The following CRTAP variants were observed in gnomAD, a reference collection of about 807,000 sequenced individuals.
CRTAP encodes cartilage associated protein.
Under a neutral mutation model 42.7 loss-of-function variants are expected in CRTAP, and 33 were observed. That is an observed-to-expected ratio of 0.77 (90% CI 0.59 to 1.03). The LOEUF is 1.03. Among genes scored for constraint, CRTAP ranks in the 50% least tolerant of loss-of-function variants. The pLI is 0.00. For synonymous variants in CRTAP, 243 were observed against 217.7 expected (o/e 1.12, Z -1.02); for missense variants, 613 against 533.9 (o/e 1.15, Z -1.46).
At chr3:33,119,479 A>G (rs555462880) in intron 1 of CRTAP, among the ~76,000 whole-genome samples, 2 of 151,734 alleles carry the variant, frequency 1.3e-5, no homozygotes, top group Non-Finnish European at 2.9e-5. Context: ...AACAGAATAT[A>G]TGGTCCATGC....
At chr3:33,121,010 A>G (rs1234865276) in intron 2 of CRTAP, among the ~76,000 whole-genome samples, 1 of 152,172 alleles carries the variant, frequency 6.6e-6, no homozygotes, top group Non-Finnish European at 1.5e-5. Context: ...AAGAACAACA[A>G]TAAGAAAGAA....
At chr3:33,126,366 A>C (rs898279439) in intron 3 of CRTAP, among the ~76,000 whole-genome samples, 2 of 152,046 alleles carry the variant, frequency 1.3e-5, no homozygotes, top group Non-Finnish European at 2.9e-5. Context: ...AAGAATCTGC[A>C]TTTTTTGTCC....
At chr3:33,134,128 G>C in intron 5 of CRTAP, 54 bp from the exon 6 acceptor site, 1 of 1,243,526 alleles carries the variant, frequency 8.0e-7, no homozygotes, top group Non-Finnish European at 1.2e-6. Flanking sequence ...CCTCCTCCCA[G>C]TTCTAAGATG....
intron 4 of CRTAP, 103 bp from the exon 5 acceptor site, chr3:33,132,452 T>C: frequency 6.6e-7 from 1 of 1,519,844 alleles, no homozygotes; most frequent in Non-Finnish European, 9.1e-7. Flanking sequence ...GAAGAAGGAC[T>C]GTGGAGAAGG....
chr3:33,136,922 G>A (rs1315941655), intron 6 of CRTAP, among the ~76,000 whole-genome samples: 2 of 152,192 alleles, frequency 1.3e-5, no homozygotes. Flanking sequence ...TACATACCTA[G>A]GAATGGATTG....
rs2125600453 is a variant in CRTAP, at chr3:33,124,516, C to T, written c.730C>T (p.Leu244Phe). The T allele has an allele frequency of 6.2e-7, 1 of 1,614,224 alleles. No individual in the cohort carries two copies. The highest frequency in any genetic ancestry group is 8.5e-7 in the Non-Finnish European group (1 of 1,180,026). Residue 244 changes from leucine to phenylalanine, a missense_variant, in exon 3 of 7, where the codon CTC becomes TTC. Leu to Phe is a conservative substitution (Grantham distance 22, BLOSUM62 0). Coordinates refer to ENST00000320954, the MANE Select transcript of CRTAP (RefSeq NM_006371.5). The stretch of plus-strand genomic sequence containing the variant: ...CTTCTTCAAAGCCTTTTACGAGTGT[C>T]TCGCAGCCTGCGAGGGTTCCAGGGA... ...PDFFKAFYEC[L>F]AACEGSREIK...
At chr3:33,124,171 A>G (rs565970765) in intron 2 of CRTAP, among the ~76,000 whole-genome samples, 71 of 152,316 alleles carry the variant, frequency 4.7e-4, no homozygotes, top group African/African-American at 1.7e-3. Context: ...AATTCAGATT[A>G]TTATCAAGGG....
Position 33,124,370 on chromosome 3 carries a change from C to T in CRTAP, c.622-38C>T, listed in dbSNP as rs369551196. 4.3e-6 allele frequency: 7 copies of T among 1,612,676 alleles called. No homozygotes were observed. The African/African-American group carries it at 9.3e-5, about 22-fold the overall frequency. On this transcript the variant is annotated intron_variant, in intron 2 of 6. Coordinates refer to ENST00000320954, the MANE Select transcript of CRTAP (RefSeq NM_006371.5). ...ATTTCATGACTGTCTCCCTTCACGC[C>T]CAAGAGCGAGCTTCACTGGCTTCTC... is the stretch of plus-strand genomic sequence containing the variant.
In CRTAP at chr3:33,142,735, A is replaced by G. The variant is rs978207624; in HGVS notation, c.*287A>G. The stretch of plus-strand genomic sequence containing the variant: ...AATGGCACGTTCTCAGCTCACTGCA[A>G]CCTCCGCCTCTTGGGTTCAAGCAAT... On this transcript the variant is annotated 3_prime_UTR_variant, in exon 7 of 7. Transcript: ENST00000320954. 9.1e-5 allele frequency: 31 copies of G among 340,554 alleles called. No homozygotes were observed. Among genetic ancestry groups the G allele is most frequent in the African/African-American group, 6.2e-4 (30 of 48,016 alleles). 21.1% of individuals were successfully genotyped at this position (340,554 alleles called of 1,614,324 possible). A position where few individuals can be genotyped will look rare whatever the true frequency, so the allele number is the denominator to read the frequency against.
At chr3:33,130,829 C>T (rs1245189565) in intron 4 of CRTAP, among the ~76,000 whole-genome samples, 2 of 152,130 alleles carry the variant, frequency 1.3e-5, no homozygotes, top group East Asian at 3.9e-4. Context: ...CCACTGCGCC[C>T]GTCCTGTTAG....
rs528024953 is a variant in CRTAP, at chr3:33,143,345, G to A, written c.*897G>A. 41 of 152,364 alleles carry A rather than the reference G, an allele frequency of 2.7e-4. No individual in the cohort carries two copies. Among genetic ancestry groups the A allele is most frequent in the African/African-American group, 7.7e-4 (32 of 41,582 alleles). The allele number at this position is 152,364 out of a possible 1,614,324, so 9.4% of individuals were successfully genotyped here. A position where few individuals can be genotyped will look rare whatever the true frequency, so the allele number is the denominator to read the frequency against. The stretch of plus-strand genomic sequence containing the variant: ...AAAAACAAGTTGAGTAGAGAGTGTA[G>A]AGTGCAGAAATGTGGCTTTTGCCCC... On this transcript the variant is annotated 3_prime_UTR_variant, in exon 7 of 7. Transcript: ENST00000320954.
chr3:33,131,953 C>T (rs1466402063), intron 4 of CRTAP, among the ~76,000 whole-genome samples: 1 of 151,944 alleles, frequency 6.6e-6, no homozygotes, highest in African/African-American at 2.4e-5. Context: ...AGACAAATCC[C>T]AAGCCCTGCA....
intron 1 of CRTAP, among the ~76,000 whole-genome samples, chr3:33,119,294 C>T (rs529529179): frequency 3.7e-4 from 56 of 152,192 alleles, no homozygotes; most frequent in African/African-American, 1.3e-3. Context: ...TGTGAGGCAC[C>T]AGGAATCCAG....
At chr3:33,123,625 G>GTTTTTTTTT (rs141876885) in intron 2 of CRTAP, among the ~76,000 whole-genome samples, 2 of 106,372 alleles carry the variant, frequency 1.9e-5, no homozygotes, top group African/African-American at 7.6e-5. Flanking sequence ...CCCAGTCTCG[G>GTTTTTTTTT]TTTTTTTTTT....
chr3:33,135,606 CAAAA>C (rs548837575), intron 6 of CRTAP, among the ~76,000 whole-genome samples: 1 of 86,948 alleles, frequency 1.2e-5, no homozygotes, highest in Non-Finnish European at 2.4e-5. Flanking sequence ...GACCCTGCCT[CAAAA>C]AAAAAAAAAA....
intron 6 of CRTAP, among the ~76,000 whole-genome samples, chr3:33,141,450 CA>C (rs971818693): frequency 1.3e-5 from 2 of 152,214 alleles, no homozygotes; most frequent in Non-Finnish European, 2.9e-5. Context: ...TAAGACCCCC[CA>C]TTTGTGTCTC....
At position 33,124,463 on chromosome 3, in the gene CRTAP, T is replaced by C; in HGVS notation, c.677T>C (p.Ile226Thr). 6.2e-7 allele frequency: 1 copy of C among 1,614,200 alleles called. No homozygotes were observed. The highest frequency in any genetic ancestry group is 8.5e-7 in the Non-Finnish European group (1 of 1,180,030). Reference sequence around the variant, plus strand: ...AACGGTGAGAACTGGAGAACATCCATCACAGACATGGAGCTGGCCCTTCCC... The same window carrying C: ...AACGGTGAGAACTGGAGAACATCCACCACAGACATGGAGCTGGCCCTTCCC... Reference protein sequence around the residue: ...AYNGENWRTSITDMELALPDF... With the variant: ...AYNGENWRTSTTDMELALPDF... The change falls in exon 3 of 7, where the codon ATC becomes ACC. Residue 226 changes from isoleucine to threonine, a missense_variant. Coordinates refer to ENST00000320954, the MANE Select transcript of CRTAP (RefSeq NM_006371.5).
Position 33,114,643 on chromosome 3 carries a change from C to T in CRTAP, c.471+95C>T, listed in dbSNP as rs369240648. ...CCCTGCGCCCGGGGCCGCGTTGCCC[C>T]TCCAGTTCTAGACCTGGCTCCCTCC... On this transcript the variant is annotated intron_variant, in intron 1 of 6. Transcript: ENST00000320954. The T allele has an allele frequency of 2.1e-4, 264 of 1,232,192 alleles. 1 individual carries two copies. The East Asian group carries it at 6.2e-3, about 29-fold the overall frequency. The allele number at this position is 1,232,192 out of a possible 1,614,324, so 76.3% of individuals were successfully genotyped here.
At chr3:33,115,933 C>A (rs910695361) in intron 1 of CRTAP, among the ~76,000 whole-genome samples, 6 of 151,386 alleles carry the variant, frequency 4.0e-5, no homozygotes, top group East Asian at 1.9e-4. Flanking sequence ...TAAAAAAAAA[C>A]AGTTTTAAAA....
Sources: allele counts gnomAD v4.1 joint callset (sites outside exome capture counted in the v4.1 genomes callset), GRCh38; gene constraint gnomAD v4.1.1; transcripts MANE v1.5; gene names NCBI Gene and HGNC (gene_info 2026-07-23, HGNC 2026-07-21).